The following MKKS variants were observed in gnomAD, a reference collection of about 807,000 sequenced individuals.
MKKS encodes the protein MKKS centrosomal shuttling protein.
Under a neutral mutation model 33.2 loss-of-function variants are expected in MKKS, and 29 were observed. That is an observed-to-expected ratio of 0.87 (90% confidence interval 0.65 to 1.19). MKKS has a LOEUF of 1.19. Among genes scored for constraint, MKKS ranks in the 50% most tolerant of loss-of-function variants. The pLI is 0.00. For missense variants in MKKS, 661 were observed against 662.3 expected (o/e 1.00, Z 0.02); for synonymous variants, 260 against 244.0 (o/e 1.07, Z -0.61).
chr20:10,427,029 GACACACACACACACACACACACAC>G (rs377703248), intron 1 of MKKS, among the ~76,000 whole-genome samples: 5,068 of 130,776 alleles, frequency 0.039, 142 homozygotes, highest in Non-Finnish European at 0.055. Context: ...AGAAAACACT[GACACACACACACACACACACACAC>G]ACACACACAC....
chr20:10,417,589 G>A (rs961240709), intron 2 of MKKS, among the ~76,000 whole-genome samples: 1 of 152,090 alleles, frequency 6.6e-6, no homozygotes, highest in African/African-American at 2.4e-5. Flanking sequence ...TAGCCTGGGT[G>A]ACAAATCAAG....
chr20:10,401,843 TTACA>T lies in MKKS; in HGVS notation c.*3400_*3403del, dbSNP rs560633503. 16 of 152,342 alleles carry T rather than the reference TTACA, an allele frequency of 1.1e-4. No homozygotes were observed. The highest frequency in any genetic ancestry group is 8.3e-4 in the South Asian group (4 of 4,832). The allele number at this position is 152,342 out of a possible 1,614,324, so 9.4% of individuals were successfully genotyped here. On this transcript the variant is annotated 3_prime_UTR_variant, in exon 6 of 6. Coordinates refer to ENST00000347364, the MANE Select transcript of MKKS (RefSeq NM_170784.3). ...AAATATCTTGTGTAAAATACTTCAC[TTACA>T]TAAAGTGCTTCAGTCTAACAGTTGA... is the stretch of plus-strand genomic sequence containing the variant.
chr20:10,425,713 A>G lies in MKKS; in HGVS notation c.-648-4955T>C, dbSNP rs565851824. Among the ~76,000 whole-genome samples the G allele has an allele frequency of 9.2e-5, 14 of 152,374 alleles. No individual in the cohort carries two copies. The East Asian group carries it at 2.7e-3, about 29-fold the overall frequency. ...CTCAAAATGATCAGATTTGATGAGC[A>G]GTAACTGGTTAATCCCTAAAATAAG... On this transcript the variant is annotated intron_variant, in intron 1 of 5. Coordinates refer to ENST00000347364, the MANE Select transcript of MKKS (RefSeq NM_170784.3).
At chr20:10,429,948 T>C (rs915747776) in intron 1 of MKKS, among the ~76,000 whole-genome samples, 12 of 152,224 alleles carry the variant, frequency 7.9e-5, no homozygotes, top group Admixed American at 5.9e-4. Context: ...TAGGTAATTC[T>C]GAAGCTAAAG....
chr20:10,408,757 A>C lies in MKKS; in HGVS notation c.1032T>G (p.Tyr344Ter), dbSNP rs139903158. ...GSLGSICPNS[Y>*]GSVKDVCTAK... ...CAGTGCACACATCTTTCACACTTCC[A>C]TAACTATTAGGACATATTGAGCCTA... Residue 344 changes from tyrosine to a stop codon, truncating the protein, a stop_gained, in exon 4 of 6, where the codon TAT becomes TAG. Coordinates refer to ENST00000347364, the MANE Select transcript of MKKS (RefSeq NM_170784.3). LOFTEE classifies it high-confidence loss of function. The C allele has an allele frequency of 1.9e-6, 3 of 1,613,804 alleles. No individual in the cohort carries two copies. The highest frequency in any genetic ancestry group is 2.5e-6 in the Non-Finnish European group (3 of 1,179,852).
chr20:10,411,449 G>C (rs2064886324), intron 3 of MKKS, among the ~76,000 whole-genome samples: 1 of 152,104 alleles, frequency 6.6e-6, no homozygotes, highest in Non-Finnish European at 1.5e-5. Context: ...GGAAGACCCA[G>C]TATTCACAAA....
intron 1 of MKKS, among the ~76,000 whole-genome samples, chr20:10,432,818 G>T (rs955436640): frequency 6.0e-5 from 6 of 99,906 alleles, no homozygotes; most frequent in Non-Finnish European, 1.2e-4. Context: ...AAAAAAAATC[G>T]TGTAGTTTTG....
At chr20:10,409,553 C>A (rs1198043109) in intron 3 of MKKS, among the ~76,000 whole-genome samples, 1 of 152,164 alleles carries the variant, frequency 6.6e-6, no homozygotes, top group Non-Finnish European at 1.5e-5. Context: ...CAAACTCCTA[C>A]AAGAAACAAT....
intron 5 of MKKS, among the ~76,000 whole-genome samples, chr20:10,406,506 A>AT (rs1307864663): frequency 6.6e-6 from 1 of 152,234 alleles, no homozygotes; most frequent in Non-Finnish European, 1.5e-5. Context: ...GCAATAGGCT[A>AT]TACCACATAG....
intron 1 of MKKS, among the ~76,000 whole-genome samples, chr20:10,427,063 C>CACACACACACACACAA (rs1568673350): frequency 4.1e-5 from 6 of 145,394 alleles, no homozygotes; most frequent in African/African-American, 1.5e-4. Context: ...CACACACACA[C>CACACACACACACACAA]ACACACACAC....
At chr20:10,423,097 C>T (rs1438939656) in intron 1 of MKKS, among the ~76,000 whole-genome samples, 4 of 151,976 alleles carry the variant, frequency 2.6e-5, no homozygotes, top group African/African-American at 9.7e-5. Context: ...CATTTGTCAG[C>T]TTTTTTCTGA....
intron 1 of MKKS, among the ~76,000 whole-genome samples, chr20:10,430,482 A>G (rs1234393956): frequency 1.3e-5 from 2 of 152,234 alleles, no homozygotes; most frequent in Non-Finnish European, 2.9e-5. Context: ...AAGAAAAAAA[A>G]CATTACTGGA....
intron 4 of MKKS, among the ~76,000 whole-genome samples, chr20:10,407,956 G>T (rs1032682002): frequency 1.3e-5 from 2 of 152,134 alleles, no homozygotes; most frequent in Non-Finnish European, 2.9e-5. Flanking sequence ...AGCCAGATTA[G>T]TATTTTCTTT....
chr20:10,431,343 A>T (rs11697443), intron 1 of MKKS, among the ~76,000 whole-genome samples: 32 of 152,180 alleles, frequency 2.1e-4, no homozygotes, highest in Non-Finnish European at 4.0e-4. Context: ...CACTTCAAAT[A>T]TGTACAAGAT....
At chr20:10,428,407 C>A (rs1170588002) in intron 1 of MKKS, among the ~76,000 whole-genome samples, 1 of 152,160 alleles carries the variant, frequency 6.6e-6, no homozygotes, top group Non-Finnish European at 1.5e-5. Context: ...CATTTCTACC[C>A]TTCATCATTT....
intron 1 of MKKS, among the ~76,000 whole-genome samples, chr20:10,425,148 A>T (rs1223669519): frequency 6.6e-6 from 1 of 152,188 alleles, no homozygotes; most frequent in Non-Finnish European, 1.5e-5. Context: ...TAGCAAATAT[A>T]GAAACAAGGA....
intron 3 of MKKS, among the ~76,000 whole-genome samples, chr20:10,411,974 C>T (rs1378612902): frequency 3.3e-5 from 5 of 152,150 alleles, no homozygotes; most frequent in African/African-American, 1.2e-4. Context: ...CACAGTGGGC[C>T]AGGCCTGTAA....
chr20:10,423,553 GTGT>G (rs1424171008), intron 1 of MKKS, among the ~76,000 whole-genome samples: 1 of 152,320 alleles, frequency 6.6e-6, no homozygotes, highest in Admixed American at 6.5e-5. Context: ...GTTTGGGGAA[GTGT>G]TGTACTATTC....
chr20:10,407,234 C>T (rs1301463087), intron 5 of MKKS, among the ~76,000 whole-genome samples: 3 of 152,134 alleles, frequency 2.0e-5, no homozygotes, highest in African/African-American at 7.2e-5. Context: ...TCAATTATTA[C>T]TGTATTGCAG....
Sources: gnomAD v4.1 joint callset for allele counts (sites outside exome capture counted in the v4.1 genomes callset) on GRCh38, gnomAD v4.1.1 for gene constraint, MANE v1.5 for transcripts, NCBI Gene and HGNC (gene_info 2026-07-23, HGNC 2026-07-21) for gene names.